Variants in TSHZ1 observed in about 807,000 individuals in gnomAD.
TSHZ1 encodes the protein teashirt zinc finger homeobox 1.
Under a neutral mutation model 67.1 loss-of-function variants are expected in TSHZ1, and 12 were observed. The observed-to-expected ratio is 0.18, with a 90% CI of 0.11 to 0.29. The LOEUF is 0.29. Among genes scored for constraint, TSHZ1 ranks in the 10% least tolerant of loss-of-function variants. TSHZ1 has a pLI of 1.00. For synonymous variants in TSHZ1, 632 were observed against 622.4 expected (o/e 1.02, Z -0.23); for missense variants, 1,305 against 1,413.9 (o/e 0.92, Z 1.23).
intron 1 of TSHZ1, among the ~76,000 whole-genome samples, chr18:75,231,382 G>A (rs1360913134): frequency 6.6e-6 from 1 of 152,204 alleles, no homozygotes; most frequent in Non-Finnish European, 1.5e-5. Context: ...GTCCTTCTCT[G>A]GCCTGGGGCT....
At chr18:75,247,574 A>G (rs1467190371) in intron 1 of TSHZ1, among the ~76,000 whole-genome samples, 1 of 152,226 alleles carries the variant, frequency 6.6e-6, no homozygotes, top group Non-Finnish European at 1.5e-5. Context: ...TGTTTCCCTC[A>G]TTCTGCTTAT....
chr18:75,271,573 T>C (rs983739635), intron 1 of TSHZ1, among the ~76,000 whole-genome samples: 2 of 152,178 alleles, frequency 1.3e-5, no homozygotes, highest in African/African-American at 4.8e-5. Flanking sequence ...GTGTCACCTG[T>C]CTAGGTGAGT....
intron 1 of TSHZ1, among the ~76,000 whole-genome samples, chr18:75,261,319 C>T (rs1411041781): frequency 6.6e-6 from 1 of 152,196 alleles, no homozygotes; most frequent in Non-Finnish European, 1.5e-5. Flanking sequence ...CATTGTAACA[C>T]ATTTATGGCC....
intron 1 of TSHZ1, among the ~76,000 whole-genome samples, chr18:75,276,951 G>A (rs1000700290): frequency 2.6e-5 from 4 of 152,214 alleles, no homozygotes; most frequent in African/African-American, 7.2e-5. Context: ...TGACCTCATG[G>A]CTGTCATTTG....
At chr18:75,255,076 T>C (rs552127153) in intron 1 of TSHZ1, among the ~76,000 whole-genome samples, 9 of 152,336 alleles carry the variant, frequency 5.9e-5, no homozygotes, top group African/African-American at 1.9e-4. Flanking sequence ...ACACACCTTC[T>C]GTATCTGTTT....
At chr18:75,268,938 G>A (rs375941152) in intron 1 of TSHZ1, among the ~76,000 whole-genome samples, 8 of 152,192 alleles carry the variant, frequency 5.3e-5, no homozygotes, top group East Asian at 1.9e-4. Flanking sequence ...TCCAGTTGAT[G>A]TGTTGTTCCT....
At chr18:75,237,692 A>G (rs1282468843) in intron 1 of TSHZ1, among the ~76,000 whole-genome samples, 4 of 152,210 alleles carry the variant, frequency 2.6e-5, no homozygotes, top group Non-Finnish European at 5.9e-5. Flanking sequence ...CCTTGCTCAC[A>G]TCAAGCTCAA....
At chr18:75,219,312 C>G (rs967682788) in intron 1 of TSHZ1, among the ~76,000 whole-genome samples, 4 of 151,996 alleles carry the variant, frequency 2.6e-5, no homozygotes, top group African/African-American at 7.3e-5. Context: ...TAGAGGATGC[C>G]CTTACAAACA....
chr18:75,228,216 G>A (rs769852186), intron 1 of TSHZ1, among the ~76,000 whole-genome samples: 2 of 152,238 alleles, frequency 1.3e-5, no homozygotes, highest in Non-Finnish European at 2.9e-5. Flanking sequence ...TAAAGAGACA[G>A]CATGCCAGTG....
intron 1 of TSHZ1, among the ~76,000 whole-genome samples, chr18:75,265,267 T>C (rs1374285060): frequency 6.6e-6 from 1 of 152,230 alleles, no homozygotes; most frequent in East Asian, 1.9e-4. Flanking sequence ...TGGCTCGTCA[T>C]GTATGTGTGC....
In TSHZ1 at chr18:75,287,944, A is replaced by T. The variant is rs1301969564; in HGVS notation, c.2537A>T (p.Asn846Ile). ...ATGGACATCTCCGACATGGTGAAAA[A>T]CCTCACAGGCCGCCTGACGCCCAAG... ...ALMDISDMVK[N>I]LTGRLTPKSS... The change falls in exon 2 of 2, where the codon AAC becomes ATC. Residue 846 changes from asparagine (N) to isoleucine (I), a missense_variant. Asn to Ile is a moderately radical substitution (Grantham distance 149). This residue lies in a region of TSHZ1 where 909 missense variants were observed against 961.8 expected (regional missense o/e 0.95). Coordinates refer to ENST00000580243, the MANE Select transcript of TSHZ1 (RefSeq NM_001308210.2). This position sits in a 1 kb window ranked among gnomAD's most constrained non-coding sequence, Gnocchi z 5.0. The T allele has an allele frequency of 3.1e-6, 5 of 1,613,732 alleles. No homozygotes were observed. Among genetic ancestry groups the T allele is most frequent in the Non-Finnish European group, 4.2e-6 (5 of 1,179,986 alleles).
At chr18:75,216,262 CTTA>C (rs1205885392) in intron 1 of TSHZ1, among the ~76,000 whole-genome samples, 1 of 151,912 alleles carries the variant, frequency 6.6e-6, no homozygotes. Context: ...TCTTTCATTG[CTTA>C]TTATGTTAAT....
At chr18:75,220,751 C>T (rs1158042265) in intron 1 of TSHZ1, among the ~76,000 whole-genome samples, 1 of 152,152 alleles carries the variant, frequency 6.6e-6, no homozygotes, top group African/African-American at 2.4e-5. Flanking sequence ...TTTTGTTGTT[C>T]ATCCACCACA....
chr18:75,247,354 G>A (rs904246553), intron 1 of TSHZ1, among the ~76,000 whole-genome samples: 1 of 152,218 alleles, frequency 6.6e-6, no homozygotes, highest in African/African-American at 2.4e-5. Context: ...TTCTCTCAGT[G>A]AGTGGAGTCC....
intron 1 of TSHZ1, among the ~76,000 whole-genome samples, chr18:75,271,699 C>A (rs964767652): frequency 6.6e-6 from 1 of 151,878 alleles, no homozygotes; most frequent in Non-Finnish European, 1.5e-5. Context: ...GTTTCCTCTT[C>A]CCCCTCTTCT....
intron 1 of TSHZ1, among the ~76,000 whole-genome samples, chr18:75,216,424 T>C (rs1201374872): frequency 6.6e-6 from 1 of 152,200 alleles, no homozygotes; most frequent in Non-Finnish European, 1.5e-5. Context: ...CTAGGCCAAA[T>C]AGAAGTGAAA....
At position 75,222,774 on chromosome 18, in the gene TSHZ1, G is replaced by A. The variant is rs145625383; in HGVS notation, c.40+10858G>A. 8.5e-5 allele frequency among the ~76,000 whole-genome samples: 13 copies of A among 152,264 alleles called. No individual in the cohort carries two copies. In the East Asian group the frequency reaches 1.7e-3, roughly 20 times the overall value. On this transcript the variant is annotated intron_variant, in intron 1 of 1. Coordinates refer to ENST00000580243, the MANE Select transcript of TSHZ1 (RefSeq NM_001308210.2). ...ACACATTCGAATCCAGTAGGTGCCC[G>A]TGTACGTGGTAACCTAATCCCAAGG...
Position 75,287,829 on chromosome 18 carries a change from C to T in TSHZ1, c.2422C>T (p.Gln808Ter). 1 of 1,614,136 alleles carries T rather than the reference C, an allele frequency of 6.2e-7. No homozygotes were observed. Among genetic ancestry groups the T allele is most frequent in the Non-Finnish European group, 8.5e-7 (1 of 1,180,056 alleles). The change falls in exon 2 of 2, where the codon CAG becomes TAG. Residue 808 changes from glutamine to a stop codon, truncating the protein, a stop_gained. Coordinates refer to ENST00000580243, the MANE Select transcript of TSHZ1 (RefSeq NM_001308210.2). LOFTEE classifies it high-confidence loss of function. The surrounding 1 kb of genome is among the most constrained non-coding windows in gnomAD (Gnocchi z 5.0). ...IDRYYYENSD[Q>*]PIDLTKSKNK... ...CCGCTACTATTATGAAAACAGCGACCAGCCCATTGACTTAACCAAGTCCAA... is the reference window on the plus strand; with the variant it reads ...CCGCTACTATTATGAAAACAGCGACTAGCCCATTGACTTAACCAAGTCCAA...
chr18:75,213,340 A>G (rs73480012), intron 1 of TSHZ1, among the ~76,000 whole-genome samples: 2,197 of 152,344 alleles, frequency 0.014, 67 homozygotes, highest in African/African-American at 0.05. Flanking sequence ...TGAGTAATGG[A>G]GGAAGAAACC....
Sources: allele counts gnomAD v4.1 joint callset (sites outside exome capture counted in the v4.1 genomes callset), GRCh38; gene constraint gnomAD v4.1.1; regional missense constraint gnomAD v4.1.1; non-coding constraint Gnocchi (gnomAD v3.1); transcripts MANE v1.5; gene names NCBI Gene and HGNC (gene_info 2026-07-23, HGNC 2026-07-21).